MAPKAP1: variants seen among roughly 807,000 people sequenced by gnomAD.
MAPKAP1 encodes the protein target of rapamycin complex 2 subunit MAPKAP1.
In MAPKAP1, 20 loss-of-function variants were observed where a neutral mutation model predicts 65.7. That is an observed-to-expected ratio of 0.30 (90% CI 0.21 to 0.44). The LOEUF (loss-of-function observed/expected upper bound fraction) is 0.44. Ranked by LOEUF, MAPKAP1 falls within the 20% of genes least tolerant of loss-of-function variation. The probability of loss-of-function intolerance (pLI) is 1.00; values close to 1 mark genes in which losing one functional copy is unlikely to be tolerated. For synonymous variants in MAPKAP1, 222 were observed against 244.3 expected, an observed-to-expected ratio of 0.91 and a Z score of 0.85; for missense variants, 423 against 648.0, an observed-to-expected ratio of 0.65 and a Z score of 3.77.
chr9:125,598,242 G>C (rs1418752872), intron 4 of MAPKAP1, among the ~76,000 whole-genome samples: 1 of 152,078 alleles, frequency 6.6e-6, no homozygotes, highest in Non-Finnish European at 1.5e-5. Flanking sequence ...AGAGATAGGG[G>C]CTTGGCTTTG....
At chr9:125,552,714 G>T (rs1367864432) in intron 6 of MAPKAP1, among the ~76,000 whole-genome samples, 1 of 152,052 alleles carries the variant, frequency 6.6e-6, no homozygotes, top group Non-Finnish European at 1.5e-5. Flanking sequence ...AATCACAGCA[G>T]CATTTCCTGA....
chr9:125,593,087 A>G (rs944867947), intron 4 of MAPKAP1, among the ~76,000 whole-genome samples: 11 of 152,038 alleles, frequency 7.2e-5, no homozygotes, highest in Non-Finnish European at 1.5e-4. Flanking sequence ...ACCTGAGGTC[A>G]GGAGTCCAGA....
rs1487571757 is a variant in MAPKAP1, at chr9:125,447,110, A to G, written c.1346-2512T>C. Reference sequence around the variant, plus strand: ...CAAGCCAAGTCTCCTGAAAGGCTGCATATTTGAACCAAGTAACCTCAAATC... The same window carrying G: ...CAAGCCAAGTCTCCTGAAAGGCTGCGTATTTGAACCAAGTAACCTCAAATC... On this transcript the variant is annotated intron_variant, in intron 10 of 11. Coordinates refer to ENST00000265960, the MANE Select transcript of MAPKAP1 (RefSeq NM_001006617.3). The surrounding 1 kb of genome is among the most constrained non-coding windows in gnomAD (Gnocchi z 4.5). Among the ~76,000 whole-genome samples, 1 of 152,180 alleles carries G rather than the reference A, an allele frequency of 6.6e-6. No individual in the cohort carries two copies. Among genetic ancestry groups the G allele is most frequent in the Non-Finnish European group, 1.5e-5 (1 of 68,038 alleles).
chr9:125,505,967 G>C, intron 8 of MAPKAP1: 1 of 295,648 alleles, frequency 3.4e-6, no homozygotes, highest in Non-Finnish European at 6.5e-6. Flanking sequence ...TCTGAATAGT[G>C]ATACTGACAG....
chr9:125,702,253 G>C (rs1405311139), intron 1 of MAPKAP1, among the ~76,000 whole-genome samples: 1 of 152,042 alleles, frequency 6.6e-6, no homozygotes, highest in African/African-American at 2.4e-5. Context: ...TTAAAAATTA[G>C]GCCGGGCGCA....
chr9:125,656,656 A>AAAGCTGT (rs1219129266), intron 4 of MAPKAP1, among the ~76,000 whole-genome samples: 1 of 152,194 alleles, frequency 6.6e-6, no homozygotes, highest in Non-Finnish European at 1.5e-5. Context: ...GCATAAGCAA[A>AAAGCTGT]AAGCTGTATG....
At chr9:125,474,742 A>G (rs1257357755) in intron 9 of MAPKAP1, among the ~76,000 whole-genome samples, 1 of 152,212 alleles carries the variant, frequency 6.6e-6, no homozygotes, top group Non-Finnish European at 1.5e-5. Context: ...TTCATGTCTT[A>G]GTGTATTTCC....
chr9:125,577,087 C>T (rs865890341), intron 5 of MAPKAP1, among the ~76,000 whole-genome samples: 42 of 149,386 alleles, frequency 2.8e-4, no homozygotes, highest in African/African-American at 8.9e-4. Context: ...CGCCTCTTCC[C>T]GGCCGCCATC....
At chr9:125,625,255 T>TTAA (rs1564589549) in intron 4 of MAPKAP1, among the ~76,000 whole-genome samples, 1 of 64,712 alleles carries the variant, frequency 1.5e-5, no homozygotes, top group Non-Finnish European at 3.0e-5. Context: ...AATAAATAAA[T>TTAA]AAAAAAAAAA....
intron 5 of MAPKAP1, among the ~76,000 whole-genome samples, chr9:125,576,143 C>G (rs956487486): frequency 6.6e-6 from 1 of 152,042 alleles, no homozygotes; most frequent in Non-Finnish European, 1.5e-5. Flanking sequence ...ACTACAGAGA[C>G]AGAAAAAAGG....
chr9:125,490,963 C>A (rs934957696), intron 8 of MAPKAP1, among the ~76,000 whole-genome samples: 2 of 151,932 alleles, frequency 1.3e-5, no homozygotes, highest in African/African-American at 4.8e-5. Flanking sequence ...CATGGTGAAA[C>A]CTCGTCTCTA....
intron 4 of MAPKAP1, among the ~76,000 whole-genome samples, chr9:125,647,449 G>A (rs13292924): frequency 0.29 from 44,398 of 151,940 alleles, 7,759 homozygotes; most frequent in Middle Eastern, 0.4. Context: ...ACTGAAATTC[G>A]GACAACCACA....
At chr9:125,686,755 G>A (rs538559501) in intron 1 of MAPKAP1, among the ~76,000 whole-genome samples, 4 of 152,212 alleles carry the variant, frequency 2.6e-5, no homozygotes, top group African/African-American at 9.6e-5. Flanking sequence ...AGATGTTGCC[G>A]GTACACTCTC....
chr9:125,556,789 A>T (rs1399386048), intron 6 of MAPKAP1, among the ~76,000 whole-genome samples: 1 of 152,200 alleles, frequency 6.6e-6, no homozygotes, highest in Non-Finnish European at 1.5e-5. Context: ...CTGCATCTGT[A>T]GGAGAAGCTT....
chr9:125,676,930 T>C (rs1014826850), intron 1 of MAPKAP1, among the ~76,000 whole-genome samples: 13 of 152,246 alleles, frequency 8.5e-5, no homozygotes, highest in African/African-American at 2.4e-4. Context: ...TTGTGTATTA[T>C]GACTCTCCAA....
At chr9:125,661,210 T>C (rs927616905) in intron 3 of MAPKAP1, among the ~76,000 whole-genome samples, 1 of 152,174 alleles carries the variant, frequency 6.6e-6, no homozygotes, top group African/African-American at 2.4e-5. Context: ...TCTGAGGACA[T>C]AGACACTCTG....
At chr9:125,442,413 C>A (rs1852523800) in intron 11 of MAPKAP1, among the ~76,000 whole-genome samples, 2 of 152,048 alleles carry the variant, frequency 1.3e-5, no homozygotes, top group African/African-American at 4.8e-5. Context: ...CAGTCTCATA[C>A]TGAAGTCATA....
intron 3 of MAPKAP1, among the ~76,000 whole-genome samples, chr9:125,669,266 A>C (rs1366179761): frequency 1.3e-5 from 2 of 151,852 alleles, no homozygotes; most frequent in African/African-American, 4.8e-5. Context: ...GGATTACTGG[A>C]GGTCAGGAGT....
chr9:125,652,098 G>A (rs757391228), intron 4 of MAPKAP1: 8 of 1,259,674 alleles, frequency 6.4e-6, no homozygotes, highest in African/African-American at 3.1e-5. Flanking sequence ...TTCTTTTTAC[G>A]TGATTTCAAT....
Sources: gnomAD v4.1 joint callset for allele counts (sites outside exome capture counted in the v4.1 genomes callset) on GRCh38, gnomAD v4.1.1 for gene constraint, Gnocchi (gnomAD v3.1) non-coding constraint, MANE v1.5 for transcripts, NCBI Gene and HGNC (gene_info 2026-07-23, HGNC 2026-07-21) for gene names.